The following OPHN1 variants were observed in gnomAD, a reference collection of about 807,000 sequenced individuals.
OPHN1 encodes oligophrenin 1, also known as oligophrenin-1.
In OPHN1, 11 loss-of-function variants were observed where a neutral mutation model predicts 60.7. The ratio of observed to expected loss-of-function variants is 0.18; its 90% CI spans 0.11 to 0.30. The LOEUF (loss-of-function observed/expected upper bound fraction) is 0.30, where lower values mean the gene tolerates loss of function less well. Among genes scored for constraint, OPHN1 ranks in the 10% least tolerant of loss-of-function variants. The pLI is 1.00. For synonymous variants in OPHN1, 226 were observed against 222.6 expected, an observed-to-expected ratio of 1.02 and a Z score of -0.14; for missense variants, 449 against 611.0, an observed-to-expected ratio of 0.73 and a Z score of 2.80.
At chrX:68,194,326 A>T in intron 13 of OPHN1, 139 bp downstream of exon 13, 1 of 569,499 alleles carries the variant, frequency 1.8e-6, no homozygotes, top group Non-Finnish European at 3.0e-6. Flanking sequence ...TAAAAAATAT[A>T]TGGCTGAATT....
At chrX:68,322,472 G>C (rs1361864905) in intron 2 of OPHN1, among the ~76,000 whole-genome samples, 2 of 111,898 alleles carry the variant, frequency 1.8e-5, no homozygotes, top group Non-Finnish European at 3.8e-5. Flanking sequence ...ATACATCCAT[G>C]CCATGGAATA....
In OPHN1 at chrX:68,247,755, CAA is replaced by C. The variant is rs61255783; in HGVS notation, c.385-13169_385-13168del. ...GTAACATGGCAAAACCCAGTCTCTACAAAAAAAAAAAAAAACACACAAAAATT... is the reference window on the plus strand; with the variant it reads ...GTAACATGGCAAAACCCAGTCTCTACAAAAAAAAAAAAACACACAAAAATT... On this transcript the variant is annotated intron_variant, in intron 5 of 24. Transcript: ENST00000355520. Among the ~76,000 whole-genome samples the C allele has an allele frequency of 2.1e-3, 107 of 51,153 alleles. 1 individual carries two copies. The highest frequency in any genetic ancestry group is 5.8e-3 in the African/African-American group (103 of 17,648). The allele number at this position is 51,153 out of a possible 115,157, so 44.4% of individuals were successfully genotyped here.
chrX:68,430,586 G>T (rs1407494404), intron 2 of OPHN1, among the ~76,000 whole-genome samples: 2 of 111,530 alleles, frequency 1.8e-5, no homozygotes, highest in Admixed American at 9.6e-5. Context: ...ACTTTGAGAG[G>T]CCAAGGTGGG....
At chrX:68,353,693 A>G (rs1049402880) in intron 2 of OPHN1, among the ~76,000 whole-genome samples, 1 of 112,056 alleles carries the variant, frequency 8.9e-6, no homozygotes, top group Non-Finnish European at 1.9e-5. Flanking sequence ...ATAATCAAGA[A>G]AATGATAATA....
chrX:68,333,456 C>T (rs956790318), intron 2 of OPHN1, among the ~76,000 whole-genome samples: 1 of 109,844 alleles, frequency 9.1e-6, no homozygotes, highest in Non-Finnish European at 1.9e-5. Flanking sequence ...GACAACATGG[C>T]GAAAACCCGT....
At chrX:68,111,757 T>C in intron 18 of OPHN1, 97 bp downstream of exon 18, 1 of 607,060 alleles carries the variant, frequency 1.6e-6, no homozygotes, top group Non-Finnish European at 2.8e-6. Flanking sequence ...ACTTAAGGGC[T>C]GGGGCTGAAA....
chrX:68,315,630 AT>A (rs1332206759), intron 2 of OPHN1, among the ~76,000 whole-genome samples: 4 of 111,813 alleles, frequency 3.6e-5, no homozygotes, highest in African/African-American at 1.3e-4. Context: ...AATTATCTCT[AT>A]TTGCCAATGA....
At chrX:68,189,005 CATAA>C (rs2077475567) in intron 15 of OPHN1, among the ~76,000 whole-genome samples, 1 of 112,292 alleles carries the variant, frequency 8.9e-6, no homozygotes, top group African/African-American at 3.2e-5. Flanking sequence ...ATGAAAATAA[CATAA>C]ATAACATCTT....
At chrX:68,419,122 C>T (rs1294208658) in intron 2 of OPHN1, among the ~76,000 whole-genome samples, 1 of 110,489 alleles carries the variant, frequency 9.1e-6, no homozygotes, top group East Asian at 2.9e-4. Flanking sequence ...ATTCTCCTGC[C>T]TCAGCCTTCG....
At chrX:68,263,342 A>G (rs1673741920) in intron 5 of OPHN1, among the ~76,000 whole-genome samples, 1 of 111,613 alleles carries the variant, frequency 9.0e-6, no homozygotes, top group African/African-American at 3.3e-5. Flanking sequence ...CCACTTGGGA[A>G]ACACTCAATG....
chrX:68,228,549 A>T (rs1016152994), intron 6 of OPHN1, among the ~76,000 whole-genome samples: 1 of 111,909 alleles, frequency 8.9e-6, no homozygotes, highest in Non-Finnish European at 1.9e-5. Flanking sequence ...AGCACATCAA[A>T]AAGCTTATCC....
Position 68,216,736 on chromosome X carries a change from C to G in OPHN1, c.487-2764G>C, listed in dbSNP as rs972177898. On this transcript the variant is annotated intron_variant, in intron 6 of 24. Transcript: ENST00000355520. Reference sequence around the variant, plus strand: ...TGGGAGAAAATATTCACAAACTGTACAGCTGACAAAGGGCTAGTGTCCAGA... The same window carrying G: ...TGGGAGAAAATATTCACAAACTGTAGAGCTGACAAAGGGCTAGTGTCCAGA... Among the ~76,000 whole-genome samples, 3 of 111,512 alleles carry G rather than the reference C, an allele frequency of 2.7e-5. No individual in the cohort carries two copies. In the Admixed American group the frequency reaches 2.8e-4, roughly 11 times the overall value.
intron 15 of OPHN1, among the ~76,000 whole-genome samples, chrX:68,183,402 C>T (rs1456237836): frequency 1.8e-5 from 2 of 111,780 alleles, no homozygotes; most frequent in African/African-American, 6.5e-5. Flanking sequence ...CTCTGCCCTC[C>T]CTCTATTTGC....
chrX:68,154,785 C>T (rs2077300791), intron 15 of OPHN1, among the ~76,000 whole-genome samples: 1 of 110,359 alleles, frequency 9.1e-6, no homozygotes, highest in Non-Finnish European at 1.9e-5. Flanking sequence ...AATTGTAATA[C>T]TGTTATCCCT....
chrX:68,233,800 C>T lies in OPHN1; in HGVS notation c.486+687G>A, dbSNP rs1222390185. Among the ~76,000 whole-genome samples the T allele has an allele frequency of 2.7e-5, 3 of 111,740 alleles. No individual in the cohort carries two copies. In the East Asian group the frequency reaches 8.5e-4, roughly 31 times the overall value. On this transcript the variant is annotated intron_variant, in intron 6 of 24. Coordinates refer to ENST00000355520, the MANE Select transcript of OPHN1 (RefSeq NM_002547.3). The stretch of plus-strand genomic sequence containing the variant: ...ACAAAGGAAATTCCCCACATCCAAA[C>T]ATAAGTCTTCTATTCTCATTTCCCA...
intron 7 of OPHN1, among the ~76,000 whole-genome samples, chrX:68,212,795 T>C (rs1676811313): frequency 8.9e-6 from 1 of 112,376 alleles, no homozygotes; most frequent in Non-Finnish European, 1.9e-5. Flanking sequence ...AAGACATTCA[T>C]CATTTGAACA....
chrX:68,277,196 T>A (rs777654232), intron 4 of OPHN1, among the ~76,000 whole-genome samples: 35 of 112,047 alleles, frequency 3.1e-4, no homozygotes, highest in African/African-American at 1.1e-3. Context: ...CTATTCAACC[T>A]CAGATCATCA....
At chrX:68,072,849 C>A (rs2076939814) in intron 20 of OPHN1, among the ~76,000 whole-genome samples, 1 of 111,843 alleles carries the variant, frequency 8.9e-6, no homozygotes, top group Non-Finnish European at 1.9e-5. Flanking sequence ...CAACATTCAC[C>A]TTGCTCACCC....
chrX:68,301,193 C>T (rs2078118211), intron 2 of OPHN1, among the ~76,000 whole-genome samples: 1 of 111,529 alleles, frequency 9.0e-6, no homozygotes, highest in African/African-American at 3.3e-5. Context: ...CGCCTGTAAT[C>T]CCAGTACTTT....
Sources: gnomAD v4.1 joint callset for allele counts (sites outside exome capture counted in the v4.1 genomes callset) on GRCh38, gnomAD v4.1.1 for gene constraint, MANE v1.5 for transcripts, NCBI Gene and HGNC (gene_info 2026-07-23, HGNC 2026-07-21) for gene names.